Variants in ABLIM1 observed in about 807,000 individuals in gnomAD.
The protein encoded by ABLIM1 is actin-binding LIM protein 1.
Under a neutral mutation model 107.0 loss-of-function variants are expected in ABLIM1, and 40 were observed. That is an observed-to-expected ratio of 0.37 (90% CI 0.29 to 0.49). The LOEUF is 0.49. Ranked by LOEUF, ABLIM1 falls within the 20% of genes least tolerant of loss-of-function variation. The probability of loss-of-function intolerance (pLI) is 0.97; values close to 1 mark genes in which losing one functional copy is unlikely to be tolerated. For synonymous variants in ABLIM1, 357 were observed against 357.3 expected, an observed-to-expected ratio of 1.00 and a Z score of 0.01; for missense variants, 857 against 1,008.5, an observed-to-expected ratio of 0.85 and a Z score of 2.04.
intron 6 of ABLIM1, among the ~76,000 whole-genome samples, chr10:114,526,282 A>G (rs2064728459): frequency 1.3e-5 from 2 of 152,194 alleles, no homozygotes; most frequent in African/African-American, 4.8e-5. Flanking sequence ...CAAACCACAG[A>G]CAAAACAAAA....
chr10:114,703,720 G>A (rs954384680), intron 1 of ABLIM1, among the ~76,000 whole-genome samples: 3 of 152,102 alleles, frequency 2.0e-5, no homozygotes, highest in Non-Finnish European at 4.4e-5. Context: ...ATGCTTTTTG[G>A]CCTTTGTTTA....
At chr10:114,655,810 A>G (rs2079480872) in intron 1 of ABLIM1, among the ~76,000 whole-genome samples, 1 of 152,154 alleles carries the variant, frequency 6.6e-6, no homozygotes, top group African/African-American at 2.4e-5. Context: ...TGAAGAGAAG[A>G]CTGTTAAGAG....
intron 1 of ABLIM1, among the ~76,000 whole-genome samples, chr10:114,749,454 A>ACACT (rs2082461426): frequency 7.5e-6 from 1 of 132,732 alleles, no homozygotes; most frequent in African/African-American, 3.2e-5. Flanking sequence ...CACACACCAC[A>ACACT]CACACACACA....
intron 2 of ABLIM1, among the ~76,000 whole-genome samples, chr10:114,579,587 A>G (rs540569083): frequency 6.6e-6 from 1 of 152,326 alleles, no homozygotes; most frequent in South Asian, 2.1e-4. Context: ...TAATTGTGAC[A>G]AAATGCATAT....
upstream of ABLIM1, among the ~76,000 whole-genome samples, chr10:114,687,812 A>G (rs1393043953): frequency 6.6e-6 from 1 of 152,258 alleles, no homozygotes; most frequent in East Asian, 1.9e-4. Context: ...CCTTTGGGAA[A>G]GATAAAAACT....
chr10:114,746,976 AC>A (rs2082398581), intron 1 of ABLIM1, among the ~76,000 whole-genome samples: 1 of 152,184 alleles, frequency 6.6e-6, no homozygotes, highest in Admixed American at 6.5e-5. Flanking sequence ...GTATTAATAA[AC>A]CCTTATTTTG....
chr10:114,682,030 T>C (rs1319462377), intron 1 of ABLIM1, among the ~76,000 whole-genome samples: 1 of 152,240 alleles, frequency 6.6e-6, no homozygotes, highest in South Asian at 2.1e-4. Flanking sequence ...TCCCTCTTTT[T>C]GGAAATGAAT....
At chr10:114,446,604 T>A (rs1465928959) in intron 15 of ABLIM1, among the ~76,000 whole-genome samples, 1 of 152,188 alleles carries the variant, frequency 6.6e-6, no homozygotes, top group Non-Finnish European at 1.5e-5. Flanking sequence ...GGACCTGAAA[T>A]TTTTCCTCCT....
At chr10:114,475,677 G>A (rs11815153) in intron 8 of ABLIM1, among the ~76,000 whole-genome samples, 3,705 of 152,256 alleles carry the variant, frequency 0.024, 154 homozygotes, top group African/African-American at 0.085. Flanking sequence ...CTGGTGGGTC[G>A]GCCTTTGGGA....
At chr10:114,490,170 G>A (rs1019062653) in intron 7 of ABLIM1, among the ~76,000 whole-genome samples, 18 of 152,210 alleles carry the variant, frequency 1.2e-4, no homozygotes, top group Non-Finnish European at 2.9e-5. Flanking sequence ...TGCCACTGCA[G>A]ATGTAAGGCC....
chr10:114,701,663 A>G (rs217190), intron 1 of ABLIM1, among the ~76,000 whole-genome samples: 33,840 of 152,130 alleles, frequency 0.22, 5,559 homozygotes, highest in African/African-American at 0.47. Context: ...AGCCTTACAC[A>G]AAACAGTGCG....
chr10:114,576,299 G>A (rs925968741), intron 2 of ABLIM1, among the ~76,000 whole-genome samples: 1 of 152,146 alleles, frequency 6.6e-6, no homozygotes. Context: ...CCTGGTCTAC[G>A]TGTTCAGACA....
At chr10:114,706,774 G>A (rs2081430714) in intron 1 of ABLIM1, among the ~76,000 whole-genome samples, 1 of 152,060 alleles carries the variant, frequency 6.6e-6, no homozygotes, top group Admixed American at 6.5e-5. Context: ...TCCCCCAAGG[G>A]GTTTCATAAT....
At chr10:114,526,995 G>C (rs2064881100) in intron 6 of ABLIM1, 3 of 983,152 alleles carry the variant, frequency 3.1e-6, no homozygotes, top group South Asian at 4.7e-5. Context: ...AAAGGAGGGG[G>C]AGTAGATTTA....
chr10:114,789,112 G>A, the ABLIM1 span, among the ~76,000 whole-genome samples: 6 of 151,862 alleles, frequency 4.0e-5, no homozygotes, highest in East Asian at 1.9e-4. Flanking sequence ...AAAATTAGCC[G>A]GGAGTGATGG....
At chr10:114,677,022 C>A (rs2080517746) in intron 1 of ABLIM1, among the ~76,000 whole-genome samples, 1 of 152,176 alleles carries the variant, frequency 6.6e-6, no homozygotes, top group East Asian at 1.9e-4. Context: ...CAGGCATGAG[C>A]CACCGTGCCT....
intron 6 of ABLIM1, among the ~76,000 whole-genome samples, chr10:114,533,478 G>C (rs960049905): frequency 6.6e-6 from 1 of 152,142 alleles, no homozygotes; most frequent in Admixed American, 6.5e-5. Flanking sequence ...TTGGCAAAAA[G>C]TGAACAAAGC....
chr10:114,589,804 A>G (rs778073043), intron 2 of ABLIM1, among the ~76,000 whole-genome samples: 12 of 152,214 alleles, frequency 7.9e-5, no homozygotes, highest in Admixed American at 3.3e-4. Context: ...TAAAAATTAC[A>G]GGGAGCTAAG....
chr10:114,494,959 T>G (rs1375116102), intron 6 of ABLIM1, among the ~76,000 whole-genome samples: 1 of 152,208 alleles, frequency 6.6e-6, no homozygotes, highest in Non-Finnish European at 1.5e-5. Flanking sequence ...TTTAAAAGCC[T>G]AATTTTCTTC....
Sources: gnomAD v4.1 joint callset for allele counts (sites outside exome capture counted in the v4.1 genomes callset) on GRCh38, gnomAD v4.1.1 for gene constraint, MANE v1.5 for transcripts, NCBI Gene and HGNC (gene_info 2026-07-23, HGNC 2026-07-21) for gene names.